HGD: variants seen among roughly 807,000 people sequenced by gnomAD.
HGD encodes homogentisate oxidase.
In HGD, 61 loss-of-function variants were observed where a neutral mutation model predicts 60.8. The ratio of observed to expected loss-of-function variants is 1.00; its 90% CI spans 0.82 to 1.24. The LOEUF is 1.24. Ranked by LOEUF, HGD falls within the 50% of genes most tolerant of loss-of-function variation. HGD has a pLI of 0.00. For synonymous variants in HGD, 212 were observed against 187.7 expected (o/e 1.13, Z -1.06); for missense variants, 542 against 547.1 (o/e 0.99, Z 0.09).
intron 12 of HGD, among the ~76,000 whole-genome samples, chr3:120,635,421 G>A (rs1398983066): frequency 7.0e-6 from 1 of 143,594 alleles, no homozygotes; most frequent in Non-Finnish European, 1.5e-5. Context: ...AGCTTGCAGT[G>A]AGCCAAGATG....
At chr3:120,654,518 C>G (rs1941435962) in intron 4 of HGD, among the ~76,000 whole-genome samples, 3 of 152,218 alleles carry the variant, frequency 2.0e-5, no homozygotes, top group Non-Finnish European at 4.4e-5. Flanking sequence ...AACCAACCAA[C>G]CCACCAACTG....
rs866750455 is a variant in HGD, at chr3:120,667,587, C to T, written c.282+2840G>A. Reference sequence around the variant, plus strand: ...GTTAGGTTTAAAACCTAACCTCCCACCCCGAATAAAACTATGTAAAAGAAG... The same window carrying T: ...GTTAGGTTTAAAACCTAACCTCCCATCCCGAATAAAACTATGTAAAAGAAG... On this transcript the variant is annotated intron_variant, in intron 4 of 13. Transcript: ENST00000283871. Among the ~76,000 whole-genome samples the T allele has an allele frequency of 8.6e-4, 130 of 152,022 alleles. 1 individual carries two copies. Among genetic ancestry groups the T allele is most frequent in the African/African-American group, 3.0e-3 (124 of 41,498 alleles).
intron 1 of HGD, among the ~76,000 whole-genome samples, chr3:120,676,770 C>T (rs1185436398): frequency 2.0e-5 from 3 of 152,100 alleles, no homozygotes; most frequent in African/African-American, 4.8e-5. Context: ...TCTTGCTCAG[C>T]AAGCGAAATG....
intron 3 of HGD, among the ~76,000 whole-genome samples, chr3:120,673,322 A>T (rs1708061331): frequency 6.6e-6 from 1 of 152,230 alleles, no homozygotes; most frequent in Non-Finnish European, 1.5e-5. Flanking sequence ...GCCTGCTGGA[A>T]CAAAGCTCAG....
At chr3:120,635,618 C>T (rs1940745562) in intron 12 of HGD, among the ~76,000 whole-genome samples, 1 of 151,778 alleles carries the variant, frequency 6.6e-6, no homozygotes, top group Non-Finnish European at 1.5e-5. Context: ...TTGAGTATTG[C>T]CAAGGCAATA....
chr3:120,639,898 G>A (rs150079925), intron 11 of HGD, among the ~76,000 whole-genome samples: 127 of 152,096 alleles, frequency 8.3e-4, no homozygotes, highest in South Asian at 7.5e-3. Flanking sequence ...TTAGTGAGAA[G>A]GTTGAGATTC....
rs1244519318 is a variant in HGD, at chr3:120,633,239, T to C, written c.1096A>G (p.Ser366Gly). The C allele has an allele frequency of 1.2e-6, 2 of 1,614,012 alleles. No homozygotes were observed. Among genetic ancestry groups the C allele is most frequent in the Non-Finnish European group, 1.7e-6 (2 of 1,180,024 alleles). Residue 366 changes from serine to glycine, a missense_variant, in exon 13 of 14, where the codon AGC becomes GGC. Ser to Gly is a moderately conservative substitution (Grantham distance 56). This residue lies in a region of HGD where 537 missense variants were observed against 529.1 expected (regional missense o/e 1.01). Transcript: ENST00000283871. ...GFLPGGGSLH[S>G]TMTPHGPDAD... ...TCAGGTCCATGGGGGGTCATTGTGC[T>C]GTGTAGACTCCCTCCCCCTGGCAGG... is the stretch of plus-strand genomic sequence containing the variant.
At chr3:120,668,636 G>T (rs938837309) in intron 4 of HGD, among the ~76,000 whole-genome samples, 1 of 152,110 alleles carries the variant, frequency 6.6e-6, no homozygotes, top group Non-Finnish European at 1.5e-5. Context: ...GTAAATTCAG[G>T]TAAATATAAA....
In HGD at chr3:120,682,104, T is replaced by C; in HGVS notation, c.8A>G (p.Glu3Gly). The change falls in exon 1 of 14, where the codon GAG becomes GGG. Residue 3 changes from glutamate to glycine, a missense_variant. Physicochemically the swap from Glu to Gly is moderately conservative, Grantham distance 98. Coordinates refer to ENST00000283871, the MANE Select transcript of HGD (RefSeq NM_000187.4). Reference sequence around the variant, plus strand: ...TGTCAGATGGTTTCTTACCTTTAACTCAGCCATTTTCTCTCTCCTCTATGT... The same window carrying C: ...TGTCAGATGGTTTCTTACCTTTAACCCAGCCATTTTCTCTCTCCTCTATGT... MA[E>G]LKYISGFGNE... 1.9e-6 allele frequency: 3 copies of C among 1,614,062 alleles called. No individual in the cohort carries two copies. Among genetic ancestry groups the C allele is most frequent in the Middle Eastern group, 3.3e-4 (2 of 6,062 alleles).
intron 6 of HGD, among the ~76,000 whole-genome samples, chr3:120,649,141 T>G (rs1941254679): frequency 3.6e-5 from 1 of 27,568 alleles, no homozygotes; most frequent in South Asian, 2.2e-3. Context: ...TTCTTTTTCT[T>G]TTTTTTTTTT....
rs955539214 is a variant in HGD, at chr3:120,653,314, G to A, written c.283-663C>T. Among the ~76,000 whole-genome samples, 18 of 152,266 alleles carry A rather than the reference G, an allele frequency of 1.2e-4. No homozygotes were observed. In the East Asian group the frequency reaches 3.1e-3, roughly 26 times the overall value. ...AGGGGAGGAAAATCAGCAGGTTTAGGCCCTTCTTGAAGTGTCAGCCCAGCG... is the reference window on the plus strand; with the variant it reads ...AGGGGAGGAAAATCAGCAGGTTTAGACCCTTCTTGAAGTGTCAGCCCAGCG... On this transcript the variant is annotated intron_variant, in intron 4 of 13. Coordinates refer to ENST00000283871, the MANE Select transcript of HGD (RefSeq NM_000187.4).
chr3:120,668,687 G>A (rs558661882), intron 4 of HGD, among the ~76,000 whole-genome samples: 1 of 152,288 alleles, frequency 6.6e-6, no homozygotes, highest in South Asian at 2.1e-4. Context: ...TCACATGCCA[G>A]GCATTGTATG....
intron 13 of HGD, among the ~76,000 whole-genome samples, chr3:120,629,920 A>G (rs888810975): frequency 1.3e-4 from 20 of 152,328 alleles, no homozygotes; most frequent in African/African-American, 4.6e-4. Context: ...AACAACTTTC[A>G]GCAAAGTTCA....
At chr3:120,630,582 T>C (rs1362798597) in intron 13 of HGD, among the ~76,000 whole-genome samples, 2 of 151,770 alleles carry the variant, frequency 1.3e-5, no homozygotes, top group African/African-American at 4.8e-5. Flanking sequence ...AAGCAGAAGA[T>C]TTAAACTGGA....
intron 12 of HGD, among the ~76,000 whole-genome samples, chr3:120,637,176 C>T (rs1043741960): frequency 1.3e-5 from 2 of 151,930 alleles, no homozygotes; most frequent in African/African-American, 4.8e-5. Flanking sequence ...CTATGCTAGC[C>T]ATACCAGTTA....
chr3:120,654,131 CAGAGT>C (rs1464347350), intron 4 of HGD, among the ~76,000 whole-genome samples: 1 of 152,122 alleles, frequency 6.6e-6, no homozygotes, highest in African/African-American at 2.4e-5. Context: ...AGTAACAGAG[CAGAGT>C]ATTTATACCC....
intron 4 of HGD, among the ~76,000 whole-genome samples, chr3:120,665,661 G>C (rs891331440): frequency 5.1e-4 from 78 of 152,338 alleles, no homozygotes; most frequent in Admixed American, 2.7e-3. Flanking sequence ...AGGCTTTAGG[G>C]GGAGCAGCCC....
intron 9 of HGD, among the ~76,000 whole-genome samples, chr3:120,644,974 G>C (rs1941115668): frequency 6.6e-6 from 1 of 152,284 alleles, no homozygotes; most frequent in South Asian, 2.1e-4. Flanking sequence ...AAGTATTTAG[G>C]ACCTGCCTGC....
At chr3:120,653,485 C>T (rs140311307) in intron 4 of HGD, among the ~76,000 whole-genome samples, 3 of 152,274 alleles carry the variant, frequency 2.0e-5, no homozygotes, top group Admixed American at 6.5e-5. Flanking sequence ...GCAGGGCCTC[C>T]ATCAGGTCAT....
Sources: gnomAD v4.1 joint callset for allele counts (sites outside exome capture counted in the v4.1 genomes callset) on GRCh38, gnomAD v4.1.1 for gene constraint, gnomAD v4.1.1 regional missense constraint, MANE v1.5 for transcripts, NCBI Gene and HGNC (gene_info 2026-07-23, HGNC 2026-07-21) for gene names.